Variants in IGFBPL1 observed in about 807,000 individuals in gnomAD.
IGFBPL1 encodes the protein insulin-like growth factor-binding protein-like 1.
A neutral mutation model predicts 23.9 loss-of-function variants in IGFBPL1; 20 were observed. That is an observed-to-expected ratio of 0.84 (90% CI 0.59 to 1.22). IGFBPL1 has a LOEUF of 1.22. IGFBPL1 is among the 50% of genes most tolerant of loss of function. IGFBPL1 has a pLI of 0.00. For missense variants in IGFBPL1, 436 were observed against 379.3 expected, an observed-to-expected ratio of 1.15 and a Z score of -1.24; for synonymous variants, 184 against 171.8, an observed-to-expected ratio of 1.07 and a Z score of -0.56.
At chr9:38,416,218 C>CA (rs1293066891) in intron 1 of IGFBPL1, among the ~76,000 whole-genome samples, 2 of 152,212 alleles carry the variant, frequency 1.3e-5, no homozygotes, top group Non-Finnish European at 1.5e-5. Flanking sequence ...AGGGGACTCT[C>CA]AATCAGCCTG....
At chr9:38,411,599 T>A in intron 3 of IGFBPL1, 50 bp from the exon 4 acceptor site, 1 of 1,492,316 alleles carries the variant, frequency 6.7e-7, no homozygotes, top group Non-Finnish European at 9.3e-7. Context: ...AACAGCAAAA[T>A]GACTTCCTTA....
rs369889603 is a variant in IGFBPL1, at chr9:38,413,392, A to C, written c.571-39T>G. ...GAATGCCAGGAGGGGGCTTAGAAAAAGCAATTCTGGATAAAGACCATCCCA... is the reference window on the plus strand; with the variant it reads ...GAATGCCAGGAGGGGGCTTAGAAAACGCAATTCTGGATAAAGACCATCCCA... On this transcript the variant is annotated intron_variant, in intron 2 of 4. Coordinates refer to ENST00000377694, the MANE Select transcript of IGFBPL1 (RefSeq NM_001007563.3). 64 of 1,346,938 alleles carry C rather than the reference A, an allele frequency of 4.8e-5. No homozygotes were observed. In the African/African-American group the frequency reaches 8.5e-4, roughly 18 times the overall value. 83.4% of individuals were successfully genotyped at this position (1,346,938 alleles called of 1,614,324 possible).
chr9:38,410,425 G>A (rs978561757), intron 4 of IGFBPL1, among the ~76,000 whole-genome samples: 19 of 151,182 alleles, frequency 1.3e-4, no homozygotes, highest in African/African-American at 4.4e-4. Context: ...AGAGCTTGCA[G>A]TGAGCCGAGA....
At chr9:38,413,418 T>C in intron 2 of IGFBPL1, 65 bp from the exon 3 acceptor site, 1 of 1,030,252 alleles carries the variant, frequency 9.7e-7, no homozygotes. Flanking sequence ...GACCATCCCA[T>C]AGGCTTCCTT....
At chr9:38,419,770 A>G (rs998474200) in intron 1 of IGFBPL1, among the ~76,000 whole-genome samples, 15 of 152,192 alleles carry the variant, frequency 9.9e-5, no homozygotes, top group Non-Finnish European at 1.8e-4. Flanking sequence ...GAGAAGCTGA[A>G]CCAATAATTC....
rs1210940486 is a variant in IGFBPL1 at position 38,424,175 on chromosome 9, G to A, written c.250C>T (p.Arg84Cys). ...GASCGGRAGG[R>C]CGPGLVCASQ... ...GCGCATACCAGGCCGGGGCCACAGC[G>A]CCCGCCGGCGCGGCCCCCGCAGCTC... Residue 84 changes from arginine to cysteine, a missense_variant, in exon 1 of 5, where the codon CGC (arginine) becomes TGC (cysteine). Transcript: ENST00000377694. The A allele has an allele frequency of 1.7e-6, 2 of 1,165,652 alleles. No individual in the cohort carries two copies. The highest frequency in any genetic ancestry group is 2.1e-6 in the Non-Finnish European group (2 of 946,988). The allele number at this position is 1,165,652 out of a possible 1,614,324, so 72.2% of individuals were successfully genotyped here. A position where few individuals can be genotyped will look rare whatever the true frequency, so the allele number is the denominator to read the frequency against.
rs927230139 is a variant in IGFBPL1 at position 38,407,484 on chromosome 9, G to T, written c.*1743C>A. Among the ~76,000 whole-genome samples the T allele has an allele frequency of 2.6e-5, 4 of 152,238 alleles. No homozygotes were observed. The highest frequency in any genetic ancestry group is 9.6e-5 in the African/African-American group (4 of 41,470). ...CAATATATTAGACATGGAATGGCAGGCTTACAGGCGGAAAGTTCACTTCCA... is the reference window on the plus strand; with the variant it reads ...CAATATATTAGACATGGAATGGCAGTCTTACAGGCGGAAAGTTCACTTCCA... On this transcript the variant is annotated 3_prime_UTR_variant, in exon 5 of 5. Transcript: ENST00000377694.
intron 1 of IGFBPL1, 105 bp downstream of exon 1, chr9:38,423,860 G>T: frequency 9.0e-7 from 1 of 1,105,112 alleles, no homozygotes; most frequent in Non-Finnish European, 1.2e-6. Context: ...GAAACTGAGT[G>T]CCAGGCAGCG....
intron 2 of IGFBPL1, among the ~76,000 whole-genome samples, chr9:38,413,629 A>G (rs962807207): frequency 6.6e-6 from 1 of 152,232 alleles, no homozygotes; most frequent in Non-Finnish European, 1.5e-5. Flanking sequence ...GGCTATTGAC[A>G]TTAAGGGGAC....
At chr9:38,419,401 C>T (rs887120132) in intron 1 of IGFBPL1, among the ~76,000 whole-genome samples, 18 of 152,162 alleles carry the variant, frequency 1.2e-4, no homozygotes, top group African/African-American at 4.1e-4. Context: ...GCACAAACCC[C>T]CTTCTTTGTC....
intron 1 of IGFBPL1, among the ~76,000 whole-genome samples, chr9:38,414,478 G>T (rs1188055772): frequency 1.3e-5 from 2 of 152,196 alleles, no homozygotes; most frequent in African/African-American, 4.8e-5. Context: ...CTGTGGCAGA[G>T]CTTGGGCCTC....
Position 38,408,977 on chromosome 9 carries a change from A to C in IGFBPL1, c.*250T>G, listed in dbSNP as rs1821471853. The C allele has an allele frequency of 6.6e-6, 1 of 152,246 alleles. No homozygotes were observed. Among genetic ancestry groups the C allele is most frequent in the Non-Finnish European group, 1.5e-5 (1 of 68,048 alleles). The allele number at this position is 152,246 out of a possible 1,614,324, so 9.4% of individuals were successfully genotyped here. A position where few individuals can be genotyped will look rare whatever the true frequency, so the allele number is the denominator to read the frequency against. ...TTCTGTGATCTCCCTGGAAGAGAAT[A>C]ATTACAAAAAGACTTCTCATGGAAC... On this transcript the variant is annotated 3_prime_UTR_variant, in exon 5 of 5. Coordinates refer to ENST00000377694, the MANE Select transcript of IGFBPL1 (RefSeq NM_001007563.3).
Position 38,414,115 on chromosome 9 carries a change from G to C in IGFBPL1, c.549C>G (p.Thr183=). The part of the protein sequence containing the change: ...GLSCEVRAVP[T]PVITWRKVTK... ...ATACCTTTCTCCACGTGATGACTGG[G>C]GTAGGCACAGCCCTCACTTCACAGG... Residue 183 remains threonine, a synonymous_variant, in exon 2 of 5, where the codon ACC becomes ACG. Transcript: ENST00000377694. 1.2e-6 allele frequency: 2 copies of C among 1,610,294 alleles called. No homozygotes were observed. Among genetic ancestry groups the C allele is most frequent in the Non-Finnish European group, 1.7e-6 (2 of 1,177,824 alleles).
At chr9:38,415,904 T>C (rs1333256405) in intron 1 of IGFBPL1, among the ~76,000 whole-genome samples, 1 of 151,810 alleles carries the variant, frequency 6.6e-6, no homozygotes, top group Non-Finnish European at 1.5e-5. Context: ...ATCCACCCAC[T>C]CATTCAGCTG....
intron 2 of IGFBPL1, 65 bp downstream of exon 2, chr9:38,414,026 CTCT>C: frequency 2.0e-6 from 1 of 502,678 alleles, no homozygotes; most frequent in African/African-American, 3.6e-5. Flanking sequence ...CTGTTTCTCC[CTCT>C]TTCTCACACA....
chr9:38,414,700 C>A (rs928865581), intron 1 of IGFBPL1, among the ~76,000 whole-genome samples: 1 of 152,160 alleles, frequency 6.6e-6, no homozygotes, highest in Non-Finnish European at 1.5e-5. Context: ...CAATCCCCTG[C>A]GGTCCATTCA....
chr9:38,413,408 G>A (rs1215027545), intron 2 of IGFBPL1, 55 bp from the exon 3 acceptor site: 1 of 1,170,334 alleles, frequency 8.5e-7, no homozygotes, highest in Non-Finnish European at 1.3e-6. Flanking sequence ...TCTGGATAAA[G>A]ACCATCCCAT....
chr9:38,414,047 A>G (rs764731456), intron 2 of IGFBPL1, 47 bp downstream of exon 2: 1 of 1,099,580 alleles, frequency 9.1e-7, no homozygotes, highest in East Asian at 2.3e-5. Flanking sequence ...ACACACACAC[A>G]CACACACACA....
At chr9:38,423,238 G>A (rs1261807429) in intron 1 of IGFBPL1, among the ~76,000 whole-genome samples, 1 of 152,148 alleles carries the variant, frequency 6.6e-6, no homozygotes, top group Non-Finnish European at 1.5e-5. Flanking sequence ...TGTTAATGAA[G>A]CTTAAGTTTC....
Sources: gnomAD v4.1 joint callset for allele counts (sites outside exome capture counted in the v4.1 genomes callset) on GRCh38, gnomAD v4.1.1 for gene constraint, MANE v1.5 for transcripts, NCBI Gene and HGNC (gene_info 2026-07-23, HGNC 2026-07-21) for gene names.